Variants in FAM124A observed in about 807,000 individuals in gnomAD.
FAM124A encodes family with sequence similarity 124 member A, also known as protein FAM124A.
In FAM124A, 23 loss-of-function variants were observed where a neutral mutation model predicts 24.5. The ratio of observed to expected loss-of-function variants is 0.94; its 90% CI spans 0.68 to 1.33. The LOEUF (loss-of-function observed/expected upper bound fraction) is 1.33, where lower values mean the gene tolerates loss of function less well. FAM124A is among the 40% of genes most tolerant of loss of function. The probability of loss-of-function intolerance (pLI) is 0.00; values close to 1 mark genes in which losing one functional copy is unlikely to be tolerated. For missense variants in FAM124A, 623 were observed against 722.8 expected (o/e 0.86, Z 1.58); for synonymous variants, 287 against 314.7 (o/e 0.91, Z 0.93).
Position 51,241,235 on chromosome 13 carries a change from C to A in FAM124A, c.100+9856C>A, listed in dbSNP as rs555411958. On this transcript the variant is annotated intron_variant, in intron 2 of 3. Transcript: ENST00000322475. Reference sequence around the variant, plus strand: ...AGCCAGGACTCTGTAGGTGGAGGGCCCCAAGGCGATTAAGAAAACTGTGGG... The same window carrying A: ...AGCCAGGACTCTGTAGGTGGAGGGCACCAAGGCGATTAAGAAAACTGTGGG... Among the ~76,000 whole-genome samples, 5 of 152,278 alleles carry A rather than the reference C, an allele frequency of 3.3e-5. No individual in the cohort carries two copies. In the South Asian group the frequency reaches 1.0e-3, roughly 32 times the overall value.
intron 2 of FAM124A, among the ~76,000 whole-genome samples, chr13:51,244,509 C>A (rs1224689129): frequency 6.6e-6 from 1 of 152,160 alleles, no homozygotes; most frequent in Non-Finnish European, 1.5e-5. Flanking sequence ...CCCAAAAATT[C>A]TAGAAAGGGG....
chr13:51,231,220 A>C, intron 1 of FAM124A, 128 bp from the exon 2 acceptor site: 2 of 942,942 alleles, frequency 2.1e-6, no homozygotes, highest in Non-Finnish European at 3.4e-6. Flanking sequence ...GAGCCTTAGC[A>C]CTGCAGTTTT....
chr13:51,269,211 A>G (rs2137701567), intron 3 of FAM124A, among the ~76,000 whole-genome samples: 1 of 152,360 alleles, frequency 6.6e-6, no homozygotes, highest in East Asian at 1.9e-4. Flanking sequence ...TGATGTAATT[A>G]CCTGCTTAAT....
At chr13:51,246,422 T>TAACC (rs1954563189) in intron 2 of FAM124A, among the ~76,000 whole-genome samples, 1 of 139,498 alleles carries the variant, frequency 7.2e-6, no homozygotes, top group Non-Finnish European at 1.6e-5. Flanking sequence ...GGTGTAACTC[T>TAACC]AACACCTGAT....
chr13:51,245,443 C>A, intron 2 of FAM124A: 1 of 612,984 alleles, frequency 1.6e-6, no homozygotes, highest in Non-Finnish European at 2.9e-6. Flanking sequence ...ATTGGCGCAG[C>A]TTCCGGCATT....
rs2137716613 is a variant in FAM124A, at chr13:51,280,616, G to T, written c.1001G>T (p.Gly334Val). The T allele has an allele frequency of 3.7e-6, 6 of 1,614,194 alleles. No homozygotes were observed. Among genetic ancestry groups the T allele is most frequent in the Non-Finnish European group, 5.1e-6 (6 of 1,180,040 alleles). The change falls in exon 4 of 4, where the codon GGC (glycine) becomes GTC (valine). Residue 334 changes from glycine (G) to valine (V), a missense_variant. Coordinates refer to ENST00000322475, the MANE Select transcript of FAM124A (RefSeq NM_001242312.2). ...CCTCACCCGGGGCCCATCCGGACAG[G>T]CCTGCCTCCTGGGCACCAGCAGGAA... ...NSPHPGPIRT[G>V]LPPGHQQEFA...
intron 3 of FAM124A, among the ~76,000 whole-genome samples, chr13:51,259,982 GGTTCAGAGGCA>G (rs1385317502): frequency 2.0e-5 from 3 of 152,102 alleles, no homozygotes; most frequent in African/African-American, 7.2e-5. Context: ...CAGAGGGGGC[GGTTCAGAGGCA>G]GTTCCTGGGT....
At chr13:51,223,828 A>G (rs1287072543) in intron 1 of FAM124A, among the ~76,000 whole-genome samples, 1 of 115,582 alleles carries the variant, frequency 8.7e-6, no homozygotes, top group Non-Finnish European at 2.0e-5. Context: ...ATCAACTTTA[A>G]CAAGATTATT....
intron 1 of FAM124A, among the ~76,000 whole-genome samples, chr13:51,222,946 A>G (rs892580210): frequency 1.3e-5 from 2 of 152,046 alleles, no homozygotes; most frequent in Non-Finnish European, 2.9e-5. Context: ...GGCCCTGGAG[A>G]TCGGGAGAGG....
intron 1 of FAM124A, among the ~76,000 whole-genome samples, chr13:51,227,084 T>TA (rs1954322343): frequency 2.0e-5 from 3 of 152,218 alleles, no homozygotes; most frequent in African/African-American, 7.2e-5. Flanking sequence ...ATTATAAACT[T>TA]AGAGTTTTAT....
chr13:51,233,245 C>T (rs1220458932), intron 2 of FAM124A, among the ~76,000 whole-genome samples: 1 of 152,150 alleles, frequency 6.6e-6, no homozygotes, highest in East Asian at 1.9e-4. Flanking sequence ...CAGCTTTTGG[C>T]TTCCTTCCTC....
intron 3 of FAM124A, among the ~76,000 whole-genome samples, chr13:51,277,533 G>A (rs1347394780): frequency 2.0e-5 from 3 of 152,212 alleles, no homozygotes; most frequent in Non-Finnish European, 4.4e-5. Flanking sequence ...GGTGGCTCAC[G>A]CCTGTAATCC....
At chr13:51,235,898 A>G (rs549946717) in intron 2 of FAM124A, among the ~76,000 whole-genome samples, 1 of 152,364 alleles carries the variant, frequency 6.6e-6, no homozygotes, top group East Asian at 1.9e-4. Flanking sequence ...GCCTGGGAAC[A>G]TGTACTGAGC....
intron 2 of FAM124A, among the ~76,000 whole-genome samples, chr13:51,238,198 G>A (rs1301604987): frequency 6.6e-6 from 1 of 152,216 alleles, no homozygotes; most frequent in East Asian, 1.9e-4. Context: ...CCCAGGGAAG[G>A]TGTTAATGGC....
At chr13:51,241,876 T>A (rs1954499633) in intron 2 of FAM124A, among the ~76,000 whole-genome samples, 2 of 152,194 alleles carry the variant, frequency 1.3e-5, no homozygotes, top group Admixed American at 6.5e-5. Context: ...ACATATGCAG[T>A]GGCTTTTCTT....
chr13:51,281,306 C>T lies in FAM124A; in HGVS notation c.*50C>T, dbSNP rs892610335. 3 of 1,493,562 alleles carry T rather than the reference C, an allele frequency of 2.0e-6. No individual in the cohort carries two copies. Among genetic ancestry groups the T allele is most frequent in the Non-Finnish European group, 2.7e-6 (3 of 1,120,682 alleles). The allele number at this position is 1,493,562 out of a possible 1,614,324, so 92.5% of individuals were successfully genotyped here. A position where few individuals can be genotyped will look rare whatever the true frequency, so the allele number is the denominator to read the frequency against. ...ACACACAAACTCAGAGACACAGACTCAGGCCCCACTGCCCCTCTGGCCACT... is the reference window on the plus strand; with the variant it reads ...ACACACAAACTCAGAGACACAGACTTAGGCCCCACTGCCCCTCTGGCCACT... On this transcript the variant is annotated 3_prime_UTR_variant, in exon 4 of 4. Coordinates refer to ENST00000322475, the MANE Select transcript of FAM124A (RefSeq NM_001242312.2).
chr13:51,247,266 G>A (rs1954573960), intron 2 of FAM124A, among the ~76,000 whole-genome samples: 1 of 152,104 alleles, frequency 6.6e-6, no homozygotes, highest in Non-Finnish European at 1.5e-5. Context: ...ACAGTGGAGA[G>A]GCGAGCACAC....
intron 3 of FAM124A, among the ~76,000 whole-genome samples, chr13:51,259,684 C>A (rs1954713835): frequency 6.6e-6 from 1 of 152,178 alleles, no homozygotes; most frequent in African/African-American, 2.4e-5. Flanking sequence ...GTCCCCTTCA[C>A]CTCGCTGTGT....
chr13:51,277,220 T>C (rs1954893634), intron 3 of FAM124A, among the ~76,000 whole-genome samples: 1 of 151,052 alleles, frequency 6.6e-6, no homozygotes, highest in Non-Finnish European at 1.5e-5. Context: ...ATGAAATAAC[T>C]CAGAAACAGA....
Sources: allele counts gnomAD v4.1 joint callset (sites outside exome capture counted in the v4.1 genomes callset), GRCh38; gene constraint gnomAD v4.1.1; transcripts MANE v1.5; gene names NCBI Gene and HGNC (gene_info 2026-07-23, HGNC 2026-07-21).